Variants in ASH1L observed in about 807,000 individuals in gnomAD.
ASH1L encodes ASH1 like histone lysine methyltransferase.
In ASH1L, 23 loss-of-function variants were observed where a neutral mutation model predicts 269.0. That is an observed-to-expected ratio of 0.09 (90% confidence interval 0.06 to 0.12). The LOEUF is 0.12. ASH1L is among the 10% of genes least tolerant of loss of function. The pLI, the probability that ASH1L is intolerant of heterozygous loss-of-function variation, is 1.00. For synonymous variants in ASH1L, 1,187 were observed against 1,253.5 expected, an observed-to-expected ratio of 0.95 and a Z score of 1.12; for missense variants, 2,912 against 3,567.8, an observed-to-expected ratio of 0.82 and a Z score of 4.68.
At position 155,521,146 on chromosome 1, in the gene ASH1L, C is replaced by A; in HGVS notation, c.374G>T (p.Ser125Ile). Reference sequence around the variant, plus strand: ...ATTCTTTTCATCCGTCATCTTTCCACTTTTAAGTGCTTTCCTTGGGTGCTT... The same window carrying A: ...ATTCTTTTCATCCGTCATCTTTCCAATTTTAAGTGCTTTCCTTGGGTGCTT... ...TIKHPRKALK[S>I]GKMTDEKNEH... The change falls in exon 2 of 28, where the codon AGT becomes ATT. Residue 125 changes from serine to isoleucine, a missense_variant. Physicochemically the swap from Ser to Ile is moderately radical, Grantham distance 142. Around this residue, in one of 13 missense-constraint regions of ASH1L, gnomAD observed 277 missense variants for 367.7 expected, o/e 0.75. Coordinates refer to ENST00000392403, the MANE Select transcript of ASH1L (RefSeq NM_018489.3). The A allele has an allele frequency of 1.2e-6, 2 of 1,610,022 alleles. No individual in the cohort carries two copies. The highest frequency in any genetic ancestry group is 1.7e-6 in the Non-Finnish European group (2 of 1,179,130).
At chr1:155,419,971 G>C (rs1660533146) in intron 5 of ASH1L, among the ~76,000 whole-genome samples, 1 of 152,120 alleles carries the variant, frequency 6.6e-6, no homozygotes, top group African/African-American at 2.4e-5. Flanking sequence ...AACTGTATTT[G>C]TATGTTCTAT....
intron 6 of ASH1L, among the ~76,000 whole-genome samples, chr1:155,397,298 A>G (rs1232423675): frequency 1.3e-5 from 2 of 151,930 alleles, no homozygotes; most frequent in African/African-American, 4.8e-5. Context: ...GGAGTTCAAG[A>G]CCAGCCTGGC....
intron 1 of ASH1L, among the ~76,000 whole-genome samples, chr1:155,537,052 A>G (rs1174533453): frequency 6.6e-6 from 1 of 152,032 alleles, no homozygotes; most frequent in Non-Finnish European, 1.5e-5. Context: ...TCAAAAAAAA[A>G]AAAAGGGAAA....
chr1:155,400,688 T>C (rs1658756229), intron 6 of ASH1L, among the ~76,000 whole-genome samples: 1 of 152,220 alleles, frequency 6.6e-6, no homozygotes, highest in Non-Finnish European at 1.5e-5. Context: ...TTTCATAAAT[T>C]ACCTTCCTAA....
In ASH1L at chr1:155,481,287, G is replaced by C; in HGVS notation, c.1583C>G (p.Thr528Ser). The change falls in exon 3 of 28, where the codon ACT (threonine) becomes AGT (serine). Residue 528 changes from threonine (T) to serine (S), a missense_variant. Coordinates refer to ENST00000392403, the MANE Select transcript of ASH1L (RefSeq NM_018489.3). ...KHEKQPPVYC[T>S]SPDFKMGGAS... is the part of the protein sequence containing the mutation. ...ACCTCCCATTTTAAAGTCCGGAGAA[G>C]TGCAATATACAGGAGGCTGCTTTTC... The C allele has an allele frequency of 6.2e-7, 1 of 1,614,144 alleles. No individual in the cohort carries two copies. The highest frequency in any genetic ancestry group is 8.5e-7 in the Non-Finnish European group (1 of 1,179,996).
chr1:155,526,581 A>T (rs1362213563), intron 1 of ASH1L, among the ~76,000 whole-genome samples: 1 of 151,082 alleles, frequency 6.6e-6, no homozygotes, highest in African/African-American at 2.4e-5. Flanking sequence ...TCCCTCTACC[A>T]CTCTCCTAAA....
intron 6 of ASH1L, among the ~76,000 whole-genome samples, chr1:155,404,839 C>T (rs191840884): frequency 8.6e-5 from 13 of 151,594 alleles, no homozygotes; most frequent in Non-Finnish European, 1.8e-4. Context: ...ACCGTCCTGG[C>T]CAACACGGTG....
chr1:155,460,397 C>G (rs1345519810), intron 3 of ASH1L, among the ~76,000 whole-genome samples: 1 of 152,110 alleles, frequency 6.6e-6, no homozygotes, highest in Non-Finnish European at 1.5e-5. Context: ...ATCACAAGGT[C>G]AAGAGTTTGA....
In ASH1L at chr1:155,481,188, G is replaced by A; in HGVS notation, c.1682C>T (p.Thr561Ile). 1.9e-6 allele frequency: 3 copies of A among 1,614,056 alleles called. No individual in the cohort carries two copies. The highest frequency in any genetic ancestry group is 8.5e-7 in the Non-Finnish European group (1 of 1,179,984). The change falls in exon 3 of 28, where the codon ACT (threonine) becomes ATT (isoleucine). Residue 561 changes from threonine to isoleucine, a missense_variant. Around this residue, in one of 13 missense-constraint regions of ASH1L, gnomAD observed 715 missense variants for 721.0 expected, o/e 0.99. Coordinates refer to ENST00000392403, the MANE Select transcript of ASH1L (RefSeq NM_018489.3). Reference protein sequence around the residue: ...GESNLPSPSPTVSVNPLTRSP... With the variant: ...GESNLPSPSPIVSVNPLTRSP... The stretch of plus-strand genomic sequence containing the variant: ...TCTGGTTAAAGGATTAACAGATACA[G>A]TAGGTGATGGGGAAGGGAGATTGCT...
intron 5 of ASH1L, among the ~76,000 whole-genome samples, chr1:155,428,453 AT>A (rs142476068): frequency 2.8e-3 from 310 of 111,146 alleles, no homozygotes; most frequent in African/African-American, 7.9e-3. Flanking sequence ...AAAAAAAAAA[AT>A]ATATATATAT....
At chr1:155,545,097 G>A (rs561284581) in intron 1 of ASH1L, among the ~76,000 whole-genome samples, 12 of 146,086 alleles carry the variant, frequency 8.2e-5, no homozygotes, top group South Asian at 2.2e-4. Flanking sequence ...GCTTGAACCC[G>A]GGAGGCAGAG....
intron 1 of ASH1L, among the ~76,000 whole-genome samples, chr1:155,548,931 TG>T (rs1671010068): frequency 6.6e-6 from 1 of 152,202 alleles, no homozygotes; most frequent in African/African-American, 2.4e-5. Flanking sequence ...TTTGTATCCA[TG>T]GGTTTCACAT....
chr1:155,505,733 T>C (rs1667771739), intron 2 of ASH1L, among the ~76,000 whole-genome samples: 1 of 152,164 alleles, frequency 6.6e-6, no homozygotes, highest in Non-Finnish European at 1.5e-5. Context: ...ATTTGAATTA[T>C]ATCTCAATTT....
chr1:155,417,558 A>G (rs1660316295), intron 5 of ASH1L, among the ~76,000 whole-genome samples: 1 of 152,208 alleles, frequency 6.6e-6, no homozygotes, highest in African/African-American at 2.4e-5. Context: ...TACTCATTCC[A>G]TTAGGCAAAG....
At chr1:155,526,797 T>G (rs925790312) in intron 1 of ASH1L, among the ~76,000 whole-genome samples, 1 of 152,208 alleles carries the variant, frequency 6.6e-6, no homozygotes, top group African/African-American at 2.4e-5. Context: ...CCTTTCAACC[T>G]CTTCATTTAG....
intron 4 of ASH1L, among the ~76,000 whole-genome samples, chr1:155,451,474 G>A (rs1292055628): frequency 6.6e-6 from 1 of 151,956 alleles, no homozygotes; most frequent in Admixed American, 6.6e-5. Flanking sequence ...GAAATGGGGA[G>A]TCTAGGCAGG....
intron 15 of ASH1L, among the ~76,000 whole-genome samples, chr1:155,356,201 TGGTA>T (rs1292166480): frequency 6.6e-6 from 1 of 152,092 alleles, no homozygotes; most frequent in Non-Finnish European, 1.5e-5. Context: ...CCTCCCAAAG[TGGTA>T]GGATTACAGG....
chr1:155,423,943 T>A (rs766950942), intron 5 of ASH1L, among the ~76,000 whole-genome samples: 6 of 152,112 alleles, frequency 3.9e-5, no homozygotes, highest in Non-Finnish European at 5.9e-5. Context: ...GCCAGGCTGG[T>A]CTCGAACTCC....
chr1:155,365,484 A>G (rs1269672657), intron 12 of ASH1L, among the ~76,000 whole-genome samples: 1 of 151,500 alleles, frequency 6.6e-6, no homozygotes, highest in Non-Finnish European at 1.5e-5. Context: ...CAGCCTCCCA[A>G]AGTGCTGGGA....
Sources: allele counts gnomAD v4.1 joint callset (sites outside exome capture counted in the v4.1 genomes callset), GRCh38; gene constraint gnomAD v4.1.1; regional missense constraint gnomAD v4.1.1; transcripts MANE v1.5; gene names NCBI Gene and HGNC (gene_info 2026-07-23, HGNC 2026-07-21).